The following DAB2IP variants were observed in gnomAD, a reference collection of about 807,000 sequenced individuals.
DAB2IP encodes the protein disabled homolog 2-interacting protein.
A neutral mutation model predicts 107.2 loss-of-function variants in DAB2IP; 28 were observed. The ratio of observed to expected loss-of-function variants is 0.26; its 90% CI spans 0.19 to 0.36. The LOEUF (loss-of-function observed/expected upper bound fraction) is 0.36, where lower values mean the gene tolerates loss of function less well. DAB2IP is among the 10% of genes least tolerant of loss of function. The pLI is 1.00. For missense variants in DAB2IP, 1,400 were observed against 1,644.7 expected (o/e 0.85, Z 2.57); for synonymous variants, 755 against 706.4 (o/e 1.07, Z -1.09).
intron 1 of DAB2IP, among the ~76,000 whole-genome samples, chr9:121,581,874 T>A: frequency 6.6e-6 from 1 of 152,202 alleles, no homozygotes; most frequent in East Asian, 1.9e-4. Flanking sequence ...CTCCAGCCCC[T>A]GTCCCCAGCC....
intron 1 of DAB2IP, among the ~76,000 whole-genome samples, chr9:121,644,551 C>G (rs193198090): frequency 6.6e-6 from 1 of 151,200 alleles, no homozygotes; most frequent in African/African-American, 2.4e-5. Flanking sequence ...GAGCTGAGAT[C>G]GAGCCATTGC....
At position 121,699,306 on chromosome 9, in the gene DAB2IP, C is replaced by G. The variant is rs1484879560; in HGVS notation, c.229-19C>G. On this transcript the variant is annotated intron_variant, in intron 2 of 15. Coordinates refer to ENST00000408936, the Ensembl canonical transcript of DAB2IP. This position sits in a 1 kb window ranked among gnomAD's most constrained non-coding sequence, Gnocchi z 6.2. ...GCTAACCCCGCCTCCCCTTCCCCCT[C>G]TTGTCCCCCCGTGCGCAGGGCTTCC... The G allele has an allele frequency of 2.8e-6, 4 of 1,412,536 alleles. No homozygotes were observed. Among genetic ancestry groups the G allele is most frequent in the Non-Finnish European group, 3.8e-6 (4 of 1,066,622 alleles). 87.5% of individuals were successfully genotyped at this position (1,412,536 alleles called of 1,614,324 possible).
At chr9:121,755,597 A>G (rs977203567) in intron 3 of DAB2IP, among the ~76,000 whole-genome samples, 47 of 151,338 alleles carry the variant, frequency 3.1e-4, no homozygotes, top group Admixed American at 3.0e-3. Context: ...CTAGCATGGG[A>G]CTCCATGTTG....
chr9:121,593,115 T>C (rs994169551), intron 1 of DAB2IP, among the ~76,000 whole-genome samples: 1 of 152,194 alleles, frequency 6.6e-6, no homozygotes, highest in Non-Finnish European at 1.5e-5. Flanking sequence ...GACAGGGTCT[T>C]GTCTGCTGCC....
intron 1 of DAB2IP, among the ~76,000 whole-genome samples, chr9:121,579,774 T>G (rs1258001776): frequency 6.6e-6 from 1 of 152,196 alleles, no homozygotes; most frequent in Non-Finnish European, 1.5e-5. Context: ...GCATATTTGT[T>G]GAATGAATAA....
intron 3 of DAB2IP, among the ~76,000 whole-genome samples, chr9:121,703,305 A>G (rs1001443984): frequency 6.6e-6 from 1 of 152,134 alleles, no homozygotes; most frequent in East Asian, 1.9e-4. Context: ...TTAGTTGCTG[A>G]CAGTAAGTGC....
intron 3 of DAB2IP, among the ~76,000 whole-genome samples, chr9:121,756,697 G>C (rs1023183418): frequency 2.0e-5 from 3 of 152,252 alleles, no homozygotes; most frequent in Non-Finnish European, 4.4e-5. Context: ...TTGGGTCTCT[G>C]AGACTTCTCA....
At chr9:121,570,899 C>T (rs1159933321) in intron 1 of DAB2IP, among the ~76,000 whole-genome samples, 1 of 151,990 alleles carries the variant, frequency 6.6e-6, no homozygotes, top group African/African-American at 2.4e-5. Flanking sequence ...CTCTGGCTGG[C>T]CCCTTCTCCT....
At chr9:121,741,150 G>C (rs540406259) in intron 3 of DAB2IP, among the ~76,000 whole-genome samples, 1 of 152,076 alleles carries the variant, frequency 6.6e-6, no homozygotes, top group South Asian at 2.1e-4. Flanking sequence ...CCCCACATGC[G>C]CACCAGATGC....
intron 1 of DAB2IP, among the ~76,000 whole-genome samples, chr9:121,676,993 A>G (rs1192609351): frequency 6.6e-6 from 1 of 152,250 alleles, no homozygotes; most frequent in Non-Finnish European, 1.5e-5. Context: ...AGCTGTCACC[A>G]TTTAAGAGTC....
chr9:121,581,280 G>C (rs1056802825), intron 1 of DAB2IP, among the ~76,000 whole-genome samples: 2 of 152,100 alleles, frequency 1.3e-5, no homozygotes, highest in Admixed American at 1.3e-4. Flanking sequence ...GGCTACCTTC[G>C]CCAGACCTGC....
At chr9:121,647,925 A>C (rs1169577702), upstream of DAB2IP, among the ~76,000 whole-genome samples, 1 of 151,704 alleles carries the variant, frequency 6.6e-6, no homozygotes, top group South Asian at 2.1e-4. Context: ...CCGCCATACA[A>C]AGGAATGAAT....
At position 121,673,862 on chromosome 9, in the gene DAB2IP, T is replaced by C. The variant is rs183153420; in HGVS notation, c.125-4816T>C. Among the ~76,000 whole-genome samples, 469 of 152,262 alleles carry C rather than the reference T, an allele frequency of 3.1e-3. 1 individual carries two copies. The highest frequency in any genetic ancestry group is 4.9e-3 in the Non-Finnish European group (332 of 68,010). ...CTCCTCTCAGGGCCTGGTTTCCCCA[T>C]CTGTGGGTAAAGGAGGTCCCATCAG... On this transcript the variant is annotated intron_variant, in intron 1 of 15. Transcript: ENST00000408936.
chr9:121,768,752 G>C, intron 10 of DAB2IP, 119 bp downstream of exon 10: 1 of 1,270,038 alleles, frequency 7.9e-7, no homozygotes, highest in East Asian at 2.5e-5. Context: ...ATCAGGCCAG[G>C]TCCTGTCAGA....
chr9:121,715,648 C>T (rs1207689520), intron 3 of DAB2IP, among the ~76,000 whole-genome samples: 2 of 152,110 alleles, frequency 1.3e-5, no homozygotes, highest in African/African-American at 2.4e-5. Flanking sequence ...CCACTGCACC[C>T]GGCCATGACT....
At chr9:121,735,870 C>T (rs1046861545) in intron 3 of DAB2IP, among the ~76,000 whole-genome samples, 5 of 152,220 alleles carry the variant, frequency 3.3e-5, no homozygotes, top group African/African-American at 9.7e-5. Flanking sequence ...AAGGATGAAT[C>T]TCCAGGCCAG....
chr9:121,746,815 C>G (rs948091235), intron 3 of DAB2IP, among the ~76,000 whole-genome samples: 1 of 152,186 alleles, frequency 6.6e-6, no homozygotes, highest in African/African-American at 2.4e-5. Context: ...ACTTGGGTCT[C>G]GCATCCCCAG....
At chr9:121,594,179 T>G (rs933047641) in intron 1 of DAB2IP, among the ~76,000 whole-genome samples, 1 of 151,892 alleles carries the variant, frequency 6.6e-6, no homozygotes, top group Non-Finnish European at 1.5e-5. Context: ...AGGGATGTAG[T>G]AGCATGCTCT....
chr9:121,722,555 G>C (rs1327691851), intron 3 of DAB2IP, among the ~76,000 whole-genome samples: 1 of 152,202 alleles, frequency 6.6e-6, no homozygotes, highest in South Asian at 2.1e-4. Context: ...AGCCCCTGCT[G>C]TATGCAGGGC....
Sources: gnomAD v4.1 joint callset for allele counts (sites outside exome capture counted in the v4.1 genomes callset) on GRCh38, gnomAD v4.1.1 for gene constraint, Gnocchi (gnomAD v3.1) non-coding constraint, MANE v1.5 for transcripts, NCBI Gene and HGNC (gene_info 2026-07-23, HGNC 2026-07-21) for gene names.